The following MMP10 variants were observed in gnomAD, a reference collection of about 807,000 sequenced individuals.
MMP10 encodes the protein stromelysin-2.
MMP10 carries 50 observed loss-of-function variants against 49.1 expected under a neutral mutation model. The ratio of observed to expected loss-of-function variants is 1.02; its 90% CI spans 0.81 to 1.29. The LOEUF (loss-of-function observed/expected upper bound fraction) is 1.29, where lower values mean the gene tolerates loss of function less well. Among genes scored for constraint, MMP10 ranks in the 50% most tolerant of loss-of-function variants. The pLI is 0.00. For missense variants in MMP10, 613 were observed against 563.8 expected, an observed-to-expected ratio of 1.09 and a Z score of -0.88; for synonymous variants, 229 against 201.6, an observed-to-expected ratio of 1.14 and a Z score of -1.15.
intron 2 of MMP10, 34 bp from the exon 3 acceptor site, chr11:102,779,395 C>T: frequency 6.2e-7 from 1 of 1,610,148 alleles, no homozygotes; most frequent in South Asian, 1.1e-5. Context: ...ATGTTATTTT[C>T]TCCTGCCTTT....
chr11:102,779,378 G>T lies in MMP10; in HGVS notation c.348-17C>A. On this transcript the variant is annotated splice_polypyrimidine_tract_variant and intron_variant, in intron 2 of 9. Coordinates refer to ENST00000279441, the MANE Select transcript of MMP10 (RefSeq NM_002425.3). The stretch of plus-strand genomic sequence containing the variant: ...TTCACAATCCTGGAGGAGAAAAATT[G>T]AAGAGGATGTTATTTTCTCCTGCCT... 6.2e-7 allele frequency: 1 copy of T among 1,612,762 alleles called. No individual in the cohort carries two copies. Among genetic ancestry groups the T allele is most frequent in the Non-Finnish European group, 8.5e-7 (1 of 1,179,686 alleles).
chr11:102,779,610 C>T lies in MMP10; in HGVS notation c.241G>A (p.Asp81Asn). The change falls in exon 2 of 10, where the codon GAC becomes AAC. Residue 81 changes from aspartate to asparagine, a missense_variant. Physicochemically the swap from Asp to Asn is conservative, Grantham distance 23. Coordinates refer to ENST00000279441, the MANE Select transcript of MMP10 (RefSeq NM_002425.3). ...GGCTTGCGCATCACCTCCAGAGTGT[C>T]AGTGTCTAGCTTCCCTGTCACCTCC... ...GLEVTGKLDT[D>N]TLEVMRKPRC... 1 of 1,614,056 alleles carries T rather than the reference C, an allele frequency of 6.2e-7. No homozygotes were observed. Among genetic ancestry groups the T allele is most frequent in the South Asian group, 1.1e-5 (1 of 91,076 alleles).
intron 7 of MMP10, among the ~76,000 whole-genome samples, chr11:102,773,980 C>T (rs960713084): frequency 6.6e-6 from 1 of 152,220 alleles, no homozygotes; most frequent in Non-Finnish European, 1.5e-5. Flanking sequence ...GATAACAATA[C>T]GTTAGAGTTA....
chr11:102,773,515 C>T (rs1042429322), intron 7 of MMP10, among the ~76,000 whole-genome samples: 1 of 152,150 alleles, frequency 6.6e-6, no homozygotes, highest in Non-Finnish European at 1.5e-5. Context: ...TCTCCCAGAC[C>T]CCAAGCCTGA....
rs755570273 is a variant in MMP10 at position 102,778,653 on chromosome 11, T to C, written c.593A>G (p.Asp198Gly). ...PGLYGDIHFD[D>G]DEKWTEDASG... ...TGCATCTTCTGTCCATTTTTCATCATCATCAAAGTGAATATCTCCATAAAG... is the reference window on the plus strand; with the variant it reads ...TGCATCTTCTGTCCATTTTTCATCACCATCAAAGTGAATATCTCCATAAAG... The change falls in exon 4 of 10, where the codon GAT becomes GGT. Residue 198 changes from aspartate (D) to glycine (G), a missense_variant. Transcript: ENST00000279441. 6 of 1,614,016 alleles carry C rather than the reference T, an allele frequency of 3.7e-6. No individual in the cohort carries two copies. Among genetic ancestry groups the C allele is most frequent in the Non-Finnish European group, 5.1e-6 (6 of 1,179,954 alleles).
chr11:102,777,149 T>C (rs1417972535), intron 4 of MMP10, among the ~76,000 whole-genome samples: 1 of 152,210 alleles, frequency 6.6e-6, no homozygotes, highest in African/African-American at 2.4e-5. Flanking sequence ...TAAAAAGTCA[T>C]TGTTCAAATT....
chr11:102,775,712 CT>C (rs1405862419), intron 6 of MMP10, among the ~76,000 whole-genome samples: 1 of 152,092 alleles, frequency 6.6e-6, no homozygotes, highest in African/African-American at 2.4e-5. Context: ...AACTCCGTAT[CT>C]TTTGGTAGTG....
chr11:102,779,769 G>T lies in MMP10; in HGVS notation c.106-24C>A. 4 of 1,583,364 alleles carry T rather than the reference G, an allele frequency of 2.5e-6. No individual in the cohort carries two copies. The South Asian group carries it at 3.5e-5, about 14-fold the overall frequency. ...TGCTAATGGAAAATAGAATTTTTAG[G>T]GCATTTTTGTGATTTTCCATCATTT... On this transcript the variant is annotated intron_variant, in intron 1 of 9. Coordinates refer to ENST00000279441, the MANE Select transcript of MMP10 (RefSeq NM_002425.3).
chr11:102,777,953 T>G (rs2134351277), intron 4 of MMP10, among the ~76,000 whole-genome samples: 1 of 152,296 alleles, frequency 6.6e-6, no homozygotes, highest in African/African-American at 2.4e-5. Context: ...TCAGGAAAGA[T>G]GTTCTTTGCA....
intron 6 of MMP10, 30 bp from the exon 7 acceptor site, chr11:102,775,351 C>T (rs1862012020): frequency 1.9e-6 from 3 of 1,557,960 alleles, no homozygotes; most frequent in East Asian, 2.3e-5. Flanking sequence ...TTGCAATTGT[C>T]TTTCTCTTTT....
At chr11:102,778,579 A>G in intron 4 of MMP10, 45 bp downstream of exon 4, 1 of 1,606,760 alleles carries the variant, frequency 6.2e-7, no homozygotes, top group Non-Finnish European at 8.5e-7. Flanking sequence ...TTTGGGTAGG[A>G]TTGGACATTA....
At chr11:102,773,568 G>T (rs76107918) in intron 7 of MMP10, among the ~76,000 whole-genome samples, 1 of 152,194 alleles carries the variant, frequency 6.6e-6, no homozygotes, top group Non-Finnish European at 1.5e-5. Context: ...AATCTAAAAT[G>T]TCCATCTGTT....
At chr11:102,777,497 C>G (rs975084035) in intron 4 of MMP10, among the ~76,000 whole-genome samples, 1 of 152,070 alleles carries the variant, frequency 6.6e-6, no homozygotes, top group African/African-American at 2.4e-5. Flanking sequence ...TCAAGTGATT[C>G]ACCCAACTTG....
intron 5 of MMP10, 46 bp from the exon 6 acceptor site, chr11:102,776,470 A>C (rs1857739151): frequency 6.3e-7 from 1 of 1,599,978 alleles, no homozygotes; most frequent in Non-Finnish European, 8.5e-7. Flanking sequence ...AAAAAATGTG[A>C]TGCATCTGTC....
chr11:102,775,370 GA>G (rs17860981), intron 6 of MMP10, 49 bp from the exon 7 acceptor site: 81,760 of 1,461,654 alleles, frequency 0.056, 2,606 homozygotes, highest in Middle Eastern at 0.081. Context: ...TTAGATATGT[GA>G]AAAAAAAATT....
At chr11:102,778,200 T>C (rs1005745735) in intron 4 of MMP10, among the ~76,000 whole-genome samples, 3 of 152,198 alleles carry the variant, frequency 2.0e-5, no homozygotes, top group African/African-American at 7.2e-5. Context: ...TGGCATTTTC[T>C]CCTGATCTCT....
intron 7 of MMP10, among the ~76,000 whole-genome samples, chr11:102,774,350 A>G (rs1451784280): frequency 6.6e-6 from 1 of 152,136 alleles, no homozygotes; most frequent in Non-Finnish European, 1.5e-5. Flanking sequence ...GCAACAATAA[A>G]GATATGAACA....
intron 1 of MMP10, among the ~76,000 whole-genome samples, chr11:102,779,948 G>A (rs1446820130): frequency 6.6e-6 from 1 of 152,024 alleles, no homozygotes; most frequent in Non-Finnish European, 1.5e-5. Flanking sequence ...AAGGAATTGG[G>A]GATTGAAAAT....
At position 102,780,558 on chromosome 11, in the gene MMP10, G is replaced by A. The variant is rs778935538; in HGVS notation, c.34C>T (p.Leu12=). 6.2e-7 allele frequency: 1 copy of A among 1,613,938 alleles called. No homozygotes were observed. Among genetic ancestry groups the A allele is most frequent in the South Asian group, 1.1e-5 (1 of 91,046 alleles). ...MHLAFLVLLC[L]PVCSAYPLSG... is the part of the protein sequence containing the mutation. The stretch of plus-strand genomic sequence containing the variant: ...AGAGGATAGGCAGAGCAGACTGGCA[G>A]ACACAACAGCACAAGGAATGCAAGA... Residue 12 remains leucine, a synonymous_variant, in exon 1 of 10, where the codon CTG becomes TTG. Transcript: ENST00000279441.
Sources: allele counts gnomAD v4.1 joint callset (sites outside exome capture counted in the v4.1 genomes callset), GRCh38; gene constraint gnomAD v4.1.1; transcripts MANE v1.5; gene names NCBI Gene and HGNC (gene_info 2026-07-23, HGNC 2026-07-21).